Variants in ZC3H12B observed in about 807,000 individuals in gnomAD.
ZC3H12B encodes the protein probable ribonuclease ZC3H12B.
A neutral mutation model predicts 43.9 loss-of-function variants in ZC3H12B; 7 were observed. The observed-to-expected ratio is 0.16, with a 90% CI of 0.09 to 0.30. ZC3H12B has a LOEUF of 0.30. Ranked by LOEUF, ZC3H12B falls within the 10% of genes least tolerant of loss-of-function variation. ZC3H12B has a pLI of 1.00. For missense variants in ZC3H12B, 475 were observed against 670.2 expected (o/e 0.71, Z 3.22); for synonymous variants, 222 against 241.7 (o/e 0.92, Z 0.76).
the ZC3H12B span, among the ~76,000 whole-genome samples, chrX:65,092,743 C>T: frequency 8.9e-6 from 1 of 112,055 alleles, no homozygotes; most frequent in Admixed American, 9.4e-5. Context: ...TGACATAAAA[C>T]TGGAACTTAT....
At chrX:65,086,057 T>TG in the ZC3H12B span, among the ~76,000 whole-genome samples, 1 of 109,550 alleles carries the variant, frequency 9.1e-6, no homozygotes, top group Non-Finnish European at 1.9e-5. Flanking sequence ...TTTTTTTTTT[T>TG]TTTTTGGAAC....
the ZC3H12B span, among the ~76,000 whole-genome samples, chrX:65,136,646 C>T: frequency 9.0e-6 from 1 of 111,377 alleles, no homozygotes; most frequent in Non-Finnish European, 1.9e-5. Context: ...GTCCCAATGG[C>T]ATTTCTGGAA....
the ZC3H12B span, among the ~76,000 whole-genome samples, chrX:65,202,080 T>A: frequency 1.1e-5 from 1 of 89,889 alleles, no homozygotes; most frequent in Non-Finnish European, 2.2e-5. Context: ...ATATTACATA[T>A]AATATATGTA....
chrX:65,367,723 TTTGTTTTATC>T (rs1436610382), intron 1 of ZC3H12B, among the ~76,000 whole-genome samples: 2 of 111,591 alleles, frequency 1.8e-5, no homozygotes, highest in Non-Finnish European at 3.8e-5. Context: ...ATTTTTTTCT[TTTGTTTTATC>T]TATTTATTTT....
At chrX:65,213,528 T>C in the ZC3H12B span, among the ~76,000 whole-genome samples, 8 of 110,890 alleles carry the variant, frequency 7.2e-5, no homozygotes, top group Non-Finnish European at 1.5e-4. Flanking sequence ...ATGGTTGATA[T>C]AGTTTGAATG....
chrX:65,341,639 C>T, the ZC3H12B span, among the ~76,000 whole-genome samples: 7 of 110,689 alleles, frequency 6.3e-5, no homozygotes, highest in Non-Finnish European at 9.5e-5. Flanking sequence ...AGAATAAGAG[C>T]GTTTTCAAAC....
the ZC3H12B span, among the ~76,000 whole-genome samples, chrX:65,053,807 G>A: frequency 1.8e-5 from 2 of 111,665 alleles, no homozygotes; most frequent in Non-Finnish European, 3.8e-5. Flanking sequence ...ATTCTAACTG[G>A]TGTGAGATGG....
At chrX:65,167,896 A>G in the ZC3H12B span, among the ~76,000 whole-genome samples, 1 of 112,058 alleles carries the variant, frequency 8.9e-6, no homozygotes, top group South Asian at 3.7e-4. Context: ...GTATCCTGAG[A>G]CTTTCCTGAA....
At chrX:65,160,149 G>C in the ZC3H12B span, among the ~76,000 whole-genome samples, 1 of 111,799 alleles carries the variant, frequency 8.9e-6, no homozygotes, top group Non-Finnish European at 1.9e-5. Context: ...TTGATGTGCT[G>C]CTGGATTCGA....
the ZC3H12B span, among the ~76,000 whole-genome samples, chrX:65,332,700 A>T: frequency 8.9e-6 from 1 of 112,099 alleles, no homozygotes. Context: ...CAGAAAAAAG[A>T]AACTCAAAAA....
the ZC3H12B span, among the ~76,000 whole-genome samples, chrX:65,052,596 G>A: frequency 9.0e-6 from 1 of 110,850 alleles, no homozygotes; most frequent in African/African-American, 3.3e-5. Context: ...CTATGTCACT[G>A]CAGATGACTG....
chrX:65,414,275 G>T (rs916582866), intron 3 of ZC3H12B, among the ~76,000 whole-genome samples: 3 of 110,216 alleles, frequency 2.7e-5, no homozygotes, highest in Non-Finnish European at 1.9e-5. Context: ...TTTTTTTGAG[G>T]GGGGGAAGGG....
the ZC3H12B span, among the ~76,000 whole-genome samples, chrX:65,140,637 A>G: frequency 1.1e-4 from 12 of 112,027 alleles, no homozygotes; most frequent in African/African-American, 3.9e-4. Context: ...AAGTTTGAGA[A>G]GGATTAATAT....
the ZC3H12B span, among the ~76,000 whole-genome samples, chrX:65,329,376 A>C: frequency 9.1e-6 from 1 of 109,702 alleles, no homozygotes; most frequent in African/African-American, 3.4e-5. Flanking sequence ...CATATCCTTC[A>C]CCCACTTTTT....
At chrX:65,378,109 A>G (rs1221266579) in intron 2 of ZC3H12B, among the ~76,000 whole-genome samples, 1 of 110,985 alleles carries the variant, frequency 9.0e-6, no homozygotes, top group Non-Finnish European at 1.9e-5. Context: ...AAAAAAAAAA[A>G]GAAATCATCT....
the ZC3H12B span, among the ~76,000 whole-genome samples, chrX:65,206,134 T>C: frequency 8.9e-6 from 1 of 111,794 alleles, no homozygotes; most frequent in Non-Finnish European, 1.9e-5. Flanking sequence ...ATACAACCAT[T>C]ATTCTTCACA....
chrX:65,129,807 TTGAG>T, the ZC3H12B span, among the ~76,000 whole-genome samples: 1 of 110,415 alleles, frequency 9.1e-6, no homozygotes, highest in Non-Finnish European at 1.9e-5. Context: ...CAGGGCTACT[TTGAG>T]TGGGATTAGG....
intron 3 of ZC3H12B, among the ~76,000 whole-genome samples, chrX:65,410,095 G>A (rs1057177603): frequency 5.3e-5 from 5 of 94,357 alleles, no homozygotes; most frequent in African/African-American, 1.9e-4. Context: ...GCATGGTACT[G>A]GTATTAAATC....
chrX:65,286,880 G>T, the ZC3H12B span, among the ~76,000 whole-genome samples: 1 of 110,985 alleles, frequency 9.0e-6, no homozygotes, highest in Non-Finnish European at 1.9e-5. Context: ...ACAGCAAGTA[G>T]TTGTAGCTAT....
Sources: allele counts gnomAD v4.1 joint callset (sites outside exome capture counted in the v4.1 genomes callset), GRCh38; gene constraint gnomAD v4.1.1; transcripts MANE v1.5; gene names NCBI Gene and HGNC (gene_info 2026-07-23, HGNC 2026-07-21).